Variants in ATR observed in about 807,000 individuals in gnomAD.
ATR encodes serine/threonine-protein kinase ATR.
Under a neutral mutation model 305.3 loss-of-function variants are expected in ATR, and 142 were observed. The ratio of observed to expected loss-of-function variants is 0.47; its 90% CI spans 0.41 to 0.53. The LOEUF is 0.53. Among genes scored for constraint, ATR ranks in the 20% least tolerant of loss-of-function variants. The pLI, the probability that ATR is intolerant of heterozygous loss-of-function variation, is 0.00. For synonymous variants in ATR, 1,050 were observed against 1,068.1 expected, an observed-to-expected ratio of 0.98 and a Z score of 0.33; for missense variants, 2,135 against 3,133.1, an observed-to-expected ratio of 0.68 and a Z score of 7.60.
chr3:142,555,669 C>T (rs187889158), intron 10 of ATR, among the ~76,000 whole-genome samples: 2 of 152,192 alleles, frequency 1.3e-5, no homozygotes, highest in African/African-American at 2.4e-5. Context: ...CAAGAGTATT[C>T]GAAAAATCCC....
chr3:142,563,152 C>G (rs112718453), intron 3 of ATR, 43 bp from the exon 4 acceptor site: 1 of 1,545,172 alleles, frequency 6.5e-7, no homozygotes, highest in South Asian at 1.2e-5. Flanking sequence ...CAAGTATATC[C>G]GAAGTGCTAA....
chr3:142,527,954 A>T (rs1381334406), intron 21 of ATR, among the ~76,000 whole-genome samples: 1 of 152,206 alleles, frequency 6.6e-6, no homozygotes, highest in Non-Finnish European at 1.5e-5. Flanking sequence ...TTTATTCAAG[A>T]ATACCAAAGG....
At chr3:142,544,615 A>G (rs1487320572) in intron 16 of ATR, among the ~76,000 whole-genome samples, 1 of 137,068 alleles carries the variant, frequency 7.3e-6, no homozygotes, top group Non-Finnish European at 1.6e-5. Flanking sequence ...AGGCAGAAGA[A>G]AGGAGCAAAA....
chr3:142,539,685 C>T (rs893613006), intron 18 of ATR, among the ~76,000 whole-genome samples: 2 of 152,208 alleles, frequency 1.3e-5, no homozygotes, highest in East Asian at 3.9e-4. Flanking sequence ...ACTCAAACTC[C>T]TGGCCTCAAA....
In ATR at chr3:142,511,816, T is replaced by A. The variant is rs2032584252; in HGVS notation, c.4852+444A>T. Among the ~76,000 whole-genome samples the A allele has an allele frequency of 1.3e-5, 2 of 151,812 alleles. 1 individual carries two copies. The highest frequency in any genetic ancestry group is 4.1e-4 in the South Asian group (2 of 4,820). On this transcript the variant is annotated intron_variant, in intron 27 of 46. Coordinates refer to ENST00000350721, the MANE Select transcript of ATR (RefSeq NM_001184.4). ...GAAAAGGCCACACTATTACCCATTT[T>A]AAAAATACACAAAACAGCTGGGTGC...
intron 24 of ATR, among the ~76,000 whole-genome samples, 175 bp downstream of exon 24, chr3:142,519,494 G>A (rs373185702): frequency 2.4e-4 from 37 of 151,958 alleles, no homozygotes; most frequent in Admixed American, 5.9e-4. Context: ...TAGAGATGGC[G>A]TTTCACCATG....
At chr3:142,524,914 T>G (rs916937033) in intron 21 of ATR, among the ~76,000 whole-genome samples, 3 of 152,226 alleles carry the variant, frequency 2.0e-5, no homozygotes, top group Middle Eastern at 3.2e-3. Context: ...ACTTTAAAGC[T>G]ACTTCATTTA....
rs1352459763 is a variant in ATR at position 142,465,414 on chromosome 3, ATGAC to A, written c.6898-178_6898-175del. On this transcript the variant is annotated intron_variant, in intron 40 of 46. Coordinates refer to ENST00000350721, the MANE Select transcript of ATR (RefSeq NM_001184.4). ...TAATTATCTATGACCTATGAAAAGAATGACTGTCTATGAACAGAAACATTTTCAC... is the reference window on the plus strand; with the variant it reads ...TAATTATCTATGACCTATGAAAAGAATGTCTATGAACAGAAACATTTTCAC... 5 of 434,046 alleles carry A rather than the reference ATGAC, an allele frequency of 1.2e-5. No homozygotes were observed. The East Asian group carries it at 1.9e-4, about 16-fold the overall frequency. 26.9% of individuals were successfully genotyped at this position (434,046 alleles called of 1,614,324 possible). A position where few individuals can be genotyped will look rare whatever the true frequency, so the allele number is the denominator to read the frequency against.
At chr3:142,526,372 C>T (rs2033388429) in intron 21 of ATR, among the ~76,000 whole-genome samples, 1 of 151,834 alleles carries the variant, frequency 6.6e-6, no homozygotes, top group Non-Finnish European at 1.5e-5. Context: ...ACATCTTTTC[C>T]AACTTTTATG....
chr3:142,578,355 T>A (rs550568925), intron 1 of ATR, among the ~76,000 whole-genome samples: 1 of 152,314 alleles, frequency 6.6e-6, no homozygotes, highest in Admixed American at 6.5e-5. Flanking sequence ...GGACTCTTCC[T>A]CCAGCTGCAG....
rs757500301 is a variant in ATR at position 142,555,897 on chromosome 3, AT to A, written c.2320del (p.Ile774TyrfsTer5). The part of the protein sequence containing the change: ...KPFLFLLKKK[I>X]PSPVKLAFID... ...CTCACCAAGTTTTACTGGACTAGGT[AT>A]TTTTTTTTTCAGTAGGAAAAGGAAT... On this transcript the variant is annotated frameshift_variant, in exon 10 of 47. Transcript: ENST00000350721. LOFTEE classifies it high-confidence loss of function. 206 of 1,504,758 alleles carry A rather than the reference AT, an allele frequency of 1.4e-4. No homozygotes were observed. Among genetic ancestry groups the A allele is most frequent in the Admixed American group, 6.9e-4 (38 of 55,248 alleles). The allele number at this position is 1,504,758 out of a possible 1,614,324, so 93.2% of individuals were successfully genotyped here. A position where few individuals can be genotyped will look rare whatever the true frequency, so the allele number is the denominator to read the frequency against.
intron 16 of ATR, among the ~76,000 whole-genome samples, chr3:142,545,466 G>A (rs1276344672): frequency 2.6e-5 from 4 of 152,004 alleles, no homozygotes; most frequent in Non-Finnish European, 5.9e-5. Context: ...AGGGAGAAAG[G>A]AAGAAAAGAG....
chr3:142,497,879 T>C (rs2031737448), intron 32 of ATR, among the ~76,000 whole-genome samples: 1 of 152,138 alleles, frequency 6.6e-6, no homozygotes. Context: ...GATGGAAACT[T>C]TGATACATTC....
At chr3:142,503,267 T>C in intron 30 of ATR, 95 bp downstream of exon 30, 3 of 881,646 alleles carry the variant, frequency 3.4e-6, no homozygotes, top group Non-Finnish European at 5.4e-6. Flanking sequence ...ATAAAACATT[T>C]ATTACTCTAC....
chr3:142,458,674 G>A (rs1401038349), intron 44 of ATR, among the ~76,000 whole-genome samples: 1 of 152,068 alleles, frequency 6.6e-6, no homozygotes, highest in East Asian at 1.9e-4. Context: ...AAAATGAACT[G>A]ATCTGCCCTT....
chr3:142,479,642 T>C (rs1004339993), intron 36 of ATR, among the ~76,000 whole-genome samples: 17 of 152,340 alleles, frequency 1.1e-4, no homozygotes, highest in African/African-American at 4.1e-4. Context: ...CCTGCCTTGC[T>C]AGGTTGGGGA....
intron 25 of ATR, 51 bp downstream of exon 25, chr3:142,515,344 G>A (rs1170458836): frequency 9.4e-6 from 15 of 1,604,090 alleles, no homozygotes; most frequent in Non-Finnish European, 1.3e-5. Context: ...TAGATGTTCT[G>A]GTTTCCTTTA....
chr3:142,549,650 A>G lies in ATR; in HGVS notation c.3000T>C (p.Pro1000=). The G allele has an allele frequency of 2.5e-6, 4 of 1,613,680 alleles. No individual in the cohort carries two copies. Among genetic ancestry groups the G allele is most frequent in the Non-Finnish European group, 3.4e-6 (4 of 1,179,780 alleles). The change falls in exon 15 of 47, where the codon CCT becomes CCC. Residue 1000 remains proline, a synonymous_variant. Coordinates refer to ENST00000350721, the MANE Select transcript of ATR (RefSeq NM_001184.4). ...FLTRTLQVLL[P]DLAAKASPAA... ...CAGGGCTTGCTTTGGCAGCAAGATC[A>G]GGTAGTAGAACTTGTAATGTCCTCT...
chr3:142,474,639 G>A (rs897858296), intron 36 of ATR, among the ~76,000 whole-genome samples: 3 of 152,072 alleles, frequency 2.0e-5, no homozygotes, highest in Admixed American at 2.0e-4. Context: ...TGGAGTCTTA[G>A]GGTTTCAGTA....
Sources: allele counts gnomAD v4.1 joint callset (sites outside exome capture counted in the v4.1 genomes callset), GRCh38; gene constraint gnomAD v4.1.1; transcripts MANE v1.5; gene names NCBI Gene and HGNC (gene_info 2026-07-23, HGNC 2026-07-21).